Variants in DERA observed in about 807,000 individuals in gnomAD.
DERA encodes the protein 2-deoxy-D-ribose 5-phosphate aldolase.
In DERA, 15 loss-of-function variants were observed where a neutral mutation model predicts 41.1. The ratio of observed to expected loss-of-function variants is 0.37; its 90% CI spans 0.24 to 0.56. The LOEUF (loss-of-function observed/expected upper bound fraction) is 0.56, where lower values mean the gene tolerates loss of function less well. DERA is among the 20% of genes least tolerant of loss of function. DERA has a pLI of 0.81. For missense variants in DERA, 396 were observed against 403.4 expected (o/e 0.98, Z 0.16); for synonymous variants, 139 against 137.4 (o/e 1.01, Z -0.08).
Position 15,989,794 on chromosome 12 carries a change from T to C in DERA, c.637+7358T>C, listed in dbSNP as rs575930173. Among the ~76,000 whole-genome samples, 1 of 152,360 alleles carries C rather than the reference T, an allele frequency of 6.6e-6. No individual in the cohort carries two copies. Among genetic ancestry groups the C allele is most frequent in the South Asian group, 2.1e-4 (1 of 4,834 alleles). ...TGGAGACCAGGTAGAGATATCTAAC[T>C]ATGTTAGTCTGGTCTTACACATCAT... is the stretch of plus-strand genomic sequence containing the variant. On this transcript the variant is annotated intron_variant, in intron 6 of 8. Transcript: ENST00000428559. The surrounding 1 kb of genome is among the most constrained non-coding windows in gnomAD (Gnocchi z 5.2).
chr12:15,917,133 C>G lies in DERA; in HGVS notation c.31+5719C>G, dbSNP rs547036506. On this transcript the variant is annotated intron_variant, in intron 1 of 8. Coordinates refer to ENST00000428559, the MANE Select transcript of DERA (RefSeq NM_015954.4). ...TGACCTAATACACCTTACAAAGTCCCCATATTTCTTTTATTGAGATAGAGG... is the reference window on the plus strand; with the variant it reads ...TGACCTAATACACCTTACAAAGTCCGCATATTTCTTTTATTGAGATAGAGG... Among the ~76,000 whole-genome samples, 26 of 152,102 alleles carry G rather than the reference C, an allele frequency of 1.7e-4. No homozygotes were observed. The East Asian group carries it at 4.1e-3, about 24-fold the overall frequency.
At position 15,950,308 on chromosome 12, in the gene DERA, T is replaced by G. The variant is rs139708845; in HGVS notation, c.32-6628T>G. On this transcript the variant is annotated intron_variant, in intron 1 of 8. Transcript: ENST00000428559. ...GGTGGATTATTTGTGCCTCCCCTTT[T>G]TAGACCATATAGGGTAACTTCCTGA... 1.5e-3 allele frequency among the ~76,000 whole-genome samples: 230 copies of G among 152,326 alleles called. 1 individual carries two copies. The highest frequency in any genetic ancestry group is 5.3e-3 in the African/African-American group (219 of 41,572).
Position 16,035,847 on chromosome 12 carries a change from G to C in DERA, c.751-385G>C, listed in dbSNP as rs1490811478. Among the ~76,000 whole-genome samples the C allele has an allele frequency of 6.6e-6, 1 of 152,206 alleles. No homozygotes were observed. Among genetic ancestry groups the C allele is most frequent in the Non-Finnish European group, 1.5e-5 (1 of 68,042 alleles). Reference sequence around the variant, plus strand: ...GAGAAGTGACTCTACAGGCTTACTTGTGGAAATGTAGAATGAGTGGGCTTT... The same window carrying C: ...GAGAAGTGACTCTACAGGCTTACTTCTGGAAATGTAGAATGAGTGGGCTTT... On this transcript the variant is annotated intron_variant, in intron 7 of 8. Transcript: ENST00000428559. The surrounding 1 kb of genome is among the most constrained non-coding windows in gnomAD (Gnocchi z 4.1).
chr12:15,914,271 A>G (rs554988997), intron 1 of DERA, among the ~76,000 whole-genome samples: 51 of 152,144 alleles, frequency 3.4e-4, no homozygotes, highest in Non-Finnish European at 6.6e-4. Context: ...AGTCCCAGCT[A>G]CTTGGGAAGC....
Position 16,003,149 on chromosome 12 carries a change from T to G in DERA, c.637+20713T>G, listed in dbSNP as rs1948887160. Reference sequence around the variant, plus strand: ...TCTCCCCTTACTTGCAGGGGATTGTTGCCTATCTTTGGTGTTTCTTGGCTT... The same window carrying G: ...TCTCCCCTTACTTGCAGGGGATTGTGGCCTATCTTTGGTGTTTCTTGGCTT... On this transcript the variant is annotated intron_variant, in intron 6 of 8. Transcript: ENST00000428559. This position sits in a 1 kb window ranked among gnomAD's most constrained non-coding sequence, Gnocchi z 4.8. Among the ~76,000 whole-genome samples the G allele has an allele frequency of 6.6e-6, 1 of 152,182 alleles. No individual in the cohort carries two copies. Among genetic ancestry groups the G allele is most frequent in the Non-Finnish European group, 1.5e-5 (1 of 68,026 alleles).
chr12:15,917,519 C>G (rs982706309), intron 1 of DERA, among the ~76,000 whole-genome samples: 2 of 152,166 alleles, frequency 1.3e-5, no homozygotes, highest in Non-Finnish European at 1.5e-5. Flanking sequence ...TCCCAGGAAT[C>G]CATTGTGCTA....
chr12:15,920,133 T>C (rs563575132), intron 1 of DERA, among the ~76,000 whole-genome samples: 1 of 152,296 alleles, frequency 6.6e-6, no homozygotes, highest in South Asian at 2.1e-4. Flanking sequence ...TCCTTATCTG[T>C]GATGTAGAGA....
intron 1 of DERA, among the ~76,000 whole-genome samples, chr12:15,955,910 C>T (rs1236817701): frequency 6.6e-6 from 1 of 152,078 alleles, no homozygotes; most frequent in African/African-American, 2.4e-5. Flanking sequence ...TCTTTTAAGG[C>T]TCTTTTAAAA....
intron 6 of DERA, among the ~76,000 whole-genome samples, chr12:15,991,109 G>A (rs1003420008): frequency 6.6e-6 from 1 of 151,914 alleles, no homozygotes; most frequent in Non-Finnish European, 1.5e-5. Context: ...CCACAACCTC[G>A]CCAGCATTTG....
chr12:16,008,488 G>A lies in DERA; in HGVS notation c.638-24054G>A, dbSNP rs1033287082. On this transcript the variant is annotated intron_variant, in intron 6 of 8. Coordinates refer to ENST00000428559, the MANE Select transcript of DERA (RefSeq NM_015954.4). The surrounding 1 kb of genome is among the most constrained non-coding windows in gnomAD (Gnocchi z 4.8). ...AGAGTGTGTGAGGGAAGGATAACTC[G>A]TGTCCCTGGTTGCAGAGTCTGAGTG... Among the ~76,000 whole-genome samples, 1 of 152,194 alleles carries A rather than the reference G, an allele frequency of 6.6e-6. No individual in the cohort carries two copies. The highest frequency in any genetic ancestry group is 1.5e-5 in the Non-Finnish European group (1 of 68,034).
intron 1 of DERA, 175 bp from the exon 2 acceptor site, chr12:15,956,761 G>T (rs1206875587): frequency 1.4e-6 from 1 of 699,858 alleles, no homozygotes; most frequent in Non-Finnish European, 2.6e-6. Flanking sequence ...GCCTTTTGTT[G>T]ACTGGTCTTC....
chr12:16,032,729 CTG>C, intron 7 of DERA, 75 bp downstream of exon 7: 5 of 907,006 alleles, frequency 5.5e-6, no homozygotes, highest in Non-Finnish European at 8.8e-6. Flanking sequence ...GCCACAATAA[CTG>C]TCTTTATATG....
intron 1 of DERA, among the ~76,000 whole-genome samples, chr12:15,946,005 C>G (rs543358407): frequency 1.2e-4 from 19 of 152,172 alleles, no homozygotes; most frequent in Non-Finnish European, 1.8e-4. Flanking sequence ...TTTGTCTTTG[C>G]TTCTGTTTAT....
In DERA at chr12:15,913,463, T is replaced by A. The variant is rs567448041; in HGVS notation, c.31+2049T>A. Among the ~76,000 whole-genome samples the A allele has an allele frequency of 6.6e-6, 1 of 152,358 alleles. No individual in the cohort carries two copies. Among genetic ancestry groups the A allele is most frequent in the African/African-American group, 2.4e-5 (1 of 41,590 alleles). ...TAACTGATGATTTTTAAAATAGTTT[T>A]CTAATTGAAAGTCTTTTTAATAAAC... is the stretch of plus-strand genomic sequence containing the variant. On this transcript the variant is annotated intron_variant, in intron 1 of 8. Transcript: ENST00000428559. The surrounding 1 kb of genome is among the most constrained non-coding windows in gnomAD (Gnocchi z 4.5).
rs556314363 is a variant in DERA at position 15,941,795 on chromosome 12, C to T, written c.32-15141C>T. Among the ~76,000 whole-genome samples, 64 of 152,280 alleles carry T rather than the reference C, an allele frequency of 4.2e-4. No individual in the cohort carries two copies. The highest frequency in any genetic ancestry group is 1.4e-3 in the African/African-American group (57 of 41,532). The stretch of plus-strand genomic sequence containing the variant: ...GATTCATGGGCACTTAGGTTGATTC[C>T]GTATCTTTGCATTTGCAAAATGTGC... On this transcript the variant is annotated intron_variant, in intron 1 of 8. Transcript: ENST00000428559. The surrounding 1 kb of genome is among the most constrained non-coding windows in gnomAD (Gnocchi z 4.5).
Position 16,036,596 on chromosome 12 carries a change from A to C in DERA, c.901-94A>C, listed in dbSNP as rs1328893839. 1.8e-6 allele frequency: 2 copies of C among 1,084,586 alleles called. No individual in the cohort carries two copies. Among genetic ancestry groups the C allele is most frequent in the East Asian group, 5.3e-5 (2 of 37,650 alleles). The allele number at this position is 1,084,586 out of a possible 1,614,324, so 67.2% of individuals were successfully genotyped here. ...AGTGAGGCTTTCTAATGAAATGTTC[A>C]TTAAAACTATTTATTATTATTTGAT... On this transcript the variant is annotated intron_variant, in intron 8 of 8. Coordinates refer to ENST00000428559, the MANE Select transcript of DERA (RefSeq NM_015954.4). The surrounding 1 kb of genome is among the most constrained non-coding windows in gnomAD (Gnocchi z 4.9).
In DERA at chr12:15,976,414, G is replaced by A. The variant is rs1218549553; in HGVS notation, c.509-5894G>A. 2.0e-5 allele frequency among the ~76,000 whole-genome samples: 3 copies of A among 151,972 alleles called. No individual in the cohort carries two copies. The highest frequency in any genetic ancestry group is 2.1e-4 in the South Asian group (1 of 4,812). ...GCTGACTGCACGTCCCCCTCACCTC[G>A]CCTCCATCATGTTGCCATGATGTAG... is the stretch of plus-strand genomic sequence containing the variant. On this transcript the variant is annotated intron_variant, in intron 5 of 8. Transcript: ENST00000428559. This position sits in a 1 kb window ranked among gnomAD's most constrained non-coding sequence, Gnocchi z 4.1.
At chr12:15,975,291 ATTAT>A (rs56692768) in intron 5 of DERA, among the ~76,000 whole-genome samples, 94,073 of 151,328 alleles carry the variant, frequency 0.62, 29,558 homozygotes, top group East Asian at 0.82. Context: ...ATCCTAGGGA[ATTAT>A]TTGAACCTGT....
At position 16,000,964 on chromosome 12, in the gene DERA, A is replaced by C. The variant is rs181760466; in HGVS notation, c.637+18528A>C. The stretch of plus-strand genomic sequence containing the variant: ...AGTATTCAGTATTACAATGCCATTC[A>C]AAAATATAAAATAAAAATCCTTAAA... On this transcript the variant is annotated intron_variant, in intron 6 of 8. Transcript: ENST00000428559. The surrounding 1 kb of genome is among the most constrained non-coding windows in gnomAD (Gnocchi z 4.8). 5.7e-3 allele frequency among the ~76,000 whole-genome samples: 865 copies of C among 152,294 alleles called. 10 individuals carry two copies. Among genetic ancestry groups the C allele is most frequent in the Admixed American group, 0.025 (383 of 15,298 alleles).
Sources: gnomAD v4.1 joint callset for allele counts (sites outside exome capture counted in the v4.1 genomes callset) on GRCh38, gnomAD v4.1.1 for gene constraint, Gnocchi (gnomAD v3.1) non-coding constraint, MANE v1.5 for transcripts, NCBI Gene and HGNC (gene_info 2026-07-23, HGNC 2026-07-21) for gene names.